Variants in MBNL1 observed in about 807,000 individuals in gnomAD.
MBNL1 encodes muscleblind-like protein 1.
Under a neutral mutation model 42.2 loss-of-function variants are expected in MBNL1, and 8 were observed. The ratio of observed to expected loss-of-function variants is 0.19; its 90% CI spans 0.11 to 0.34. The LOEUF (loss-of-function observed/expected upper bound fraction) is 0.34. Ranked by LOEUF, MBNL1 falls within the 10% of genes least tolerant of loss-of-function variation. MBNL1 has a pLI of 1.00. For synonymous variants in MBNL1, 169 were observed against 173.9 expected (o/e 0.97, Z 0.22); for missense variants, 309 against 495.3 (o/e 0.62, Z 3.57).
intron 4 of MBNL1, among the ~76,000 whole-genome samples, chr3:152,443,482 G>GCACACACACACACACACACACACA (rs1345409667): frequency 3.5e-5 from 1 of 28,264 alleles, no homozygotes; most frequent in African/African-American, 1.9e-4. Context: ...TATATATTTA[G>GCACACACACACACACACACACACA]CATACACACA....
chr3:152,375,654 CAAACA>C (rs2096866245), intron 2 of MBNL1, among the ~76,000 whole-genome samples: 1 of 151,958 alleles, frequency 6.6e-6, no homozygotes, highest in Non-Finnish European at 1.5e-5. Flanking sequence ...TCAATATCTA[CAAACA>C]AAACAAAAAA....
intron 2 of MBNL1, among the ~76,000 whole-genome samples, chr3:152,369,337 G>T (rs553634188): frequency 4.6e-5 from 7 of 152,184 alleles, no homozygotes; most frequent in Non-Finnish European, 1.5e-5. Context: ...TGTTGAACCA[G>T]CCTAGCACCC....
intron 2 of MBNL1, among the ~76,000 whole-genome samples, chr3:152,332,692 TTGTGTGTGTGTGTGTGTGTGTGTG>T (rs71144115): frequency 1.7e-4 from 22 of 132,998 alleles, no homozygotes; most frequent in African/African-American, 5.2e-4. Flanking sequence ...TTTCATGGTT[TTGTGTGTGTGTGTGTGTGTGTGTG>T]TGTGTGTGTG....
chr3:152,463,285 A>G lies in MBNL1; in HGVS notation c.*919A>G, dbSNP rs1450614256. On this transcript the variant is annotated 3_prime_UTR_variant, in exon 10 of 10. Transcript: ENST00000324210. Reference sequence around the variant, plus strand: ...ATATATAATAGATATATATAAAATTATTTTAATGCATTGTAGTGTAATATT... The same window carrying G: ...ATATATAATAGATATATATAAAATTGTTTTAATGCATTGTAGTGTAATATT... The G allele has an allele frequency of 1.3e-5, 2 of 151,744 alleles. No homozygotes were observed. The highest frequency in any genetic ancestry group is 4.8e-5 in the African/African-American group (2 of 41,326). 9.4% of individuals were successfully genotyped at this position (151,744 alleles called of 1,614,324 possible). A position where few individuals can be genotyped will look rare whatever the true frequency, so the allele number is the denominator to read the frequency against.
At chr3:152,329,538 A>G (rs2082690646) in intron 2 of MBNL1, among the ~76,000 whole-genome samples, 1 of 151,300 alleles carries the variant, frequency 6.6e-6, no homozygotes, top group Non-Finnish European at 1.5e-5. Flanking sequence ...AGTCACAGCT[A>G]CTCAGGAGGC....
chr3:152,430,793 T>C (rs920065417), intron 3 of MBNL1, among the ~76,000 whole-genome samples: 1 of 152,154 alleles, frequency 6.6e-6, no homozygotes, highest in Non-Finnish European at 1.5e-5. Context: ...AGATTTGGAA[T>C]GCACAGATAG....
intron 6 of MBNL1, among the ~76,000 whole-genome samples, chr3:152,454,133 A>G (rs762585206): frequency 1.1e-3 from 168 of 152,176 alleles, no homozygotes; most frequent in Non-Finnish European, 2.1e-3. Flanking sequence ...AGTAGTAGCA[A>G]ATGACAGAGA....
At chr3:152,266,537 G>C (rs769262808), upstream of MBNL1, 15 of 152,186 alleles carry the variant, frequency 9.9e-5, no homozygotes, top group Non-Finnish European at 1.8e-4. Context: ...AAGGGTTTGA[G>C]AACAATTGAA....
chr3:152,274,467 G>C (rs1431597735), intron 1 of MBNL1, among the ~76,000 whole-genome samples: 1 of 152,024 alleles, frequency 6.6e-6, no homozygotes, highest in Non-Finnish European at 1.5e-5. Flanking sequence ...ACAATGGCTG[G>C]GTAACATGGT....
chr3:152,331,044 T>A (rs1265302595), intron 2 of MBNL1, among the ~76,000 whole-genome samples: 1 of 152,116 alleles, frequency 6.6e-6, no homozygotes, highest in Non-Finnish European at 1.5e-5. Context: ...CCATTTTACG[T>A]GAACACCAAA....
chr3:152,409,951 A>G (rs903514287), intron 2 of MBNL1, among the ~76,000 whole-genome samples: 1 of 152,150 alleles, frequency 6.6e-6, no homozygotes, highest in Non-Finnish European at 1.5e-5. Context: ...TTTGTTTTCA[A>G]TTAGCTAGTT....
chr3:152,374,909 T>C (rs1269954360), intron 2 of MBNL1, among the ~76,000 whole-genome samples: 2 of 152,246 alleles, frequency 1.3e-5, no homozygotes, highest in African/African-American at 4.8e-5. Context: ...TATTATTTCT[T>C]GGAACTTGTC....
rs1750044076 is a variant in MBNL1, at chr3:152,465,425, A to G, written c.*3059A>G. 6.6e-6 allele frequency: 1 copy of G among 152,642 alleles called. No individual in the cohort carries two copies. The highest frequency in any genetic ancestry group is 6.5e-5 in the Admixed American group (1 of 15,278). The allele number at this position is 152,642 out of a possible 1,614,324, so 9.5% of individuals were successfully genotyped here. A position where few individuals can be genotyped will look rare whatever the true frequency, so the allele number is the denominator to read the frequency against. ...CCTGTTCTTTCAGCAGGTGAAAAAT[A>G]AAACGCAGTTCAAATTTCATGGTTT... On this transcript the variant is annotated 3_prime_UTR_variant, in exon 10 of 10. Transcript: ENST00000324210.
chr3:152,338,027 C>A, intron 2 of MBNL1: 1 of 892,448 alleles, frequency 1.1e-6, no homozygotes, highest in Non-Finnish European at 1.3e-6. Context: ...ATTGCGATGA[C>A]AAGATATAAT....
At chr3:152,278,947 C>T (rs2150230774) in intron 1 of MBNL1, among the ~76,000 whole-genome samples, 1 of 151,810 alleles carries the variant, frequency 6.6e-6, no homozygotes, top group East Asian at 1.9e-4. Context: ...CAAGTTAGTA[C>T]CAAAGGAGGA....
chr3:152,281,583 C>T (rs1307030387), intron 1 of MBNL1, among the ~76,000 whole-genome samples: 1 of 152,062 alleles, frequency 6.6e-6, no homozygotes, highest in South Asian at 2.1e-4. Flanking sequence ...CCCCAGCACT[C>T]GCCAAGATCA....
chr3:152,329,339 GT>G (rs1479840745), intron 2 of MBNL1, among the ~76,000 whole-genome samples: 3 of 152,054 alleles, frequency 2.0e-5, no homozygotes, highest in African/African-American at 7.2e-5. Context: ...AGCTGAATTG[GT>G]TTCGGTCAGA....
At chr3:152,436,722 G>A (rs1408455538) in intron 4 of MBNL1, among the ~76,000 whole-genome samples, 1 of 152,160 alleles carries the variant, frequency 6.6e-6, no homozygotes, top group African/African-American at 2.4e-5. Flanking sequence ...GTTATATTTT[G>A]TAGTGCTTAA....
chr3:152,377,231 T>C (rs2096947492), intron 2 of MBNL1, among the ~76,000 whole-genome samples: 1 of 152,224 alleles, frequency 6.6e-6, no homozygotes, highest in African/African-American at 2.4e-5. Context: ...ATAAGATGCT[T>C]TTTTCATTGA....
Sources: gnomAD v4.1 joint callset for allele counts (sites outside exome capture counted in the v4.1 genomes callset) on GRCh38, gnomAD v4.1.1 for gene constraint, MANE v1.5 for transcripts, NCBI Gene and HGNC (gene_info 2026-07-23, HGNC 2026-07-21) for gene names.